MACROD2: variants seen among roughly 807,000 people sequenced by gnomAD.
MACROD2 encodes the protein mono-ADP ribosylhydrolase 2.
Under a neutral mutation model 70.4 loss-of-function variants are expected in MACROD2, and 36 were observed. That is an observed-to-expected ratio of 0.51 (90% CI 0.39 to 0.68). The LOEUF is 0.68. Among genes scored for constraint, MACROD2 ranks in the 30% least tolerant of loss-of-function variants. The pLI is 0.00. For missense variants in MACROD2, 496 were observed against 538.4 expected, an observed-to-expected ratio of 0.92 and a Z score of 0.78; for synonymous variants, 172 against 178.8, an observed-to-expected ratio of 0.96 and a Z score of 0.30.
rs116876981 is a variant in MACROD2, at chr20:15,795,514, C to T, written c.646-67231C>T. Reference sequence around the variant, plus strand: ...AAATAACAAGAATGCCACTGTTGCCCGCCATTGTCTGGAGTGAATGCCAGC... The same window carrying T: ...AAATAACAAGAATGCCACTGTTGCCTGCCATTGTCTGGAGTGAATGCCAGC... On this transcript the variant is annotated intron_variant, in intron 8 of 17. Transcript: ENST00000684519. 5.5e-3 allele frequency among the ~76,000 whole-genome samples: 832 copies of T among 152,086 alleles called. 6 individuals carry two copies. Among genetic ancestry groups the T allele is most frequent in the African/African-American group, 0.015 (638 of 41,476 alleles).
chr20:15,986,873 G>C (rs368424595), intron 14 of MACROD2, 72 bp downstream of exon 14: 2 of 1,183,056 alleles, frequency 1.7e-6, no homozygotes, highest in East Asian at 2.3e-5. Context: ...ATATATACCT[G>C]TGTGTGTGCG....
At chr20:14,838,789 T>G (rs2122263878) in intron 5 of MACROD2, among the ~76,000 whole-genome samples, 1 of 152,154 alleles carries the variant, frequency 6.6e-6, no homozygotes, top group South Asian at 2.1e-4. Context: ...AGGTTTCTAT[T>G]ACAAACTTAG....
chr20:15,150,563 G>GAT, intron 5 of MACROD2, among the ~76,000 whole-genome samples: 1 of 152,116 alleles, frequency 6.6e-6, no homozygotes, highest in South Asian at 2.1e-4. Flanking sequence ...CATGCTGTGG[G>GAT]ATGGGGTATT....
At chr20:15,275,556 A>G (rs1159301365) in intron 6 of MACROD2, among the ~76,000 whole-genome samples, 1 of 152,222 alleles carries the variant, frequency 6.6e-6, no homozygotes, top group Admixed American at 6.5e-5. Context: ...ACTCTAGATC[A>G]AAATGCAACT....
rs139372474 is a variant in MACROD2 at position 14,746,580 on chromosome 20, G to A, written c.418+61621G>A. Among the ~76,000 whole-genome samples the A allele has an allele frequency of 8.1e-4, 123 of 152,152 alleles. 2 individuals carry two copies. The highest frequency in any genetic ancestry group is 3.4e-3 in the Middle Eastern group (1 of 294). On this transcript the variant is annotated intron_variant, in intron 5 of 17. Transcript: ENST00000684519. ...ATATGATAGAAACTATATCACCCACGCATTTCATTCTATTGCCTTCATGCT... is the reference window on the plus strand; with the variant it reads ...ATATGATAGAAACTATATCACCCACACATTTCATTCTATTGCCTTCATGCT...
intron 8 of MACROD2, among the ~76,000 whole-genome samples, chr20:15,649,128 T>C (rs533657863): frequency 1.5e-4 from 17 of 112,140 alleles, no homozygotes; most frequent in Non-Finnish European, 2.3e-4. Flanking sequence ...CTCCCCTCCC[T>C]TCCCTTCCCT....
rs74446281 is a variant in MACROD2, at chr20:15,927,983, G to C, written c.776-5293G>C. On this transcript the variant is annotated intron_variant, in intron 10 of 17. Coordinates refer to ENST00000684519, the MANE Select transcript of MACROD2 (RefSeq NM_001351661.2). ...GTCCCAGACTACTGTGAACTAAAGA[G>C]ACACAACAACTGAATGCTGTATGAT... 6.3e-3 allele frequency among the ~76,000 whole-genome samples: 954 copies of C among 152,312 alleles called. 4 individuals are homozygous for C. The highest frequency in any genetic ancestry group is 0.021 in the South Asian group (103 of 4,828).
At chr20:14,969,958 C>T (rs1033244458) in intron 5 of MACROD2, among the ~76,000 whole-genome samples, 20 of 152,022 alleles carry the variant, frequency 1.3e-4, no homozygotes, top group Admixed American at 1.2e-3. Context: ...GACATATGAT[C>T]CTTGTCCTCT....
chr20:15,784,812 T>C (rs941070702), intron 8 of MACROD2, among the ~76,000 whole-genome samples: 1 of 152,066 alleles, frequency 6.6e-6, no homozygotes, highest in South Asian at 2.1e-4. Flanking sequence ...AAAATTTACA[T>C]AATAAAATGT....
intron 5 of MACROD2, among the ~76,000 whole-genome samples, chr20:14,990,252 A>G (rs2074889403): frequency 6.6e-6 from 1 of 152,088 alleles, no homozygotes. Flanking sequence ...GATACACAAT[A>G]GATAAAAAAT....
intron 4 of MACROD2, among the ~76,000 whole-genome samples, chr20:14,580,587 C>T (rs1980945124): frequency 6.6e-6 from 1 of 152,090 alleles, no homozygotes; most frequent in Non-Finnish European, 1.5e-5. Context: ...ACTGGCATGC[C>T]CAGGATTGTG....
chr20:15,949,940 T>C (rs1230476352), intron 12 of MACROD2, among the ~76,000 whole-genome samples: 5 of 152,160 alleles, frequency 3.3e-5, no homozygotes, highest in Non-Finnish European at 7.4e-5. Flanking sequence ...AAAATCATAA[T>C]ATCTCTGACT....
intron 3 of MACROD2, among the ~76,000 whole-genome samples, chr20:14,452,432 T>C (rs190847689): frequency 6.6e-6 from 1 of 152,246 alleles, no homozygotes; most frequent in Non-Finnish European, 1.5e-5. Flanking sequence ...CATCTTATAT[T>C]ATTCTTGTAG....
intron 7 of MACROD2, among the ~76,000 whole-genome samples, chr20:15,446,799 A>G (rs1025605168): frequency 6.6e-6 from 1 of 152,120 alleles, no homozygotes; most frequent in Non-Finnish European, 1.5e-5. Flanking sequence ...CAAATATTTT[A>G]TCTTCTCATC....
rs988185492 is a variant in MACROD2, at chr20:16,048,155, A to C, written c.1301-1675A>C. The stretch of plus-strand genomic sequence containing the variant: ...CTACCCCATGGAATTTCTGCAAAAG[A>C]AAAACAAATTCTGAAGTTGAATTCA... On this transcript the variant is annotated intron_variant, in intron 17 of 17. Transcript: ENST00000684519. Among the ~76,000 whole-genome samples, 4 of 152,208 alleles carry C rather than the reference A, an allele frequency of 2.6e-5. No homozygotes were observed. The East Asian group carries it at 7.7e-4, about 29-fold the overall frequency.
intron 3 of MACROD2, among the ~76,000 whole-genome samples, chr20:14,186,298 G>A (rs986566315): frequency 2.0e-5 from 3 of 151,978 alleles, no homozygotes; most frequent in South Asian, 2.1e-4. Flanking sequence ...GGTGGTTAAG[G>A]AATGTGGTAC....
At chr20:15,156,548 G>C (rs1353149223) in intron 5 of MACROD2, among the ~76,000 whole-genome samples, 1 of 152,012 alleles carries the variant, frequency 6.6e-6, no homozygotes, top group Non-Finnish European at 1.5e-5. Context: ...AACCTGTAGT[G>C]CTTTGCACCT....
Position 14,085,666 on chromosome 20 carries a change from A to C in MACROD2, c.209A>C (p.Glu70Ala). 1 of 1,582,002 alleles carries C rather than the reference A, an allele frequency of 6.3e-7. No homozygotes were observed. Among genetic ancestry groups the C allele is most frequent in the Non-Finnish European group, 8.6e-7 (1 of 1,163,558 alleles). Residue 70 changes from glutamate (E) to alanine (A), a missense_variant, in exon 3 of 18, where the codon GAA (glutamate) becomes GCA (alanine). Glu to Ala is a moderately radical substitution (Grantham distance 107). Coordinates refer to ENST00000684519, the MANE Select transcript of MACROD2 (RefSeq NM_001351661.2). ...ETSQVKKSLT[E>A]KVSLYRGDIT... ...TCCCAGGTGAAGAAAAGTTTGACTG[A>C]AAAAGTTTCTCTCTATAGAGGTGAC...
intron 8 of MACROD2, among the ~76,000 whole-genome samples, chr20:15,836,080 A>G (rs148006462): frequency 1.4e-4 from 13 of 91,490 alleles, no homozygotes; most frequent in East Asian, 9.2e-4. Flanking sequence ...AAATTGTGCA[A>G]TGAGGGTGAC....
Sources: gnomAD v4.1 joint callset for allele counts (sites outside exome capture counted in the v4.1 genomes callset) on GRCh38, gnomAD v4.1.1 for gene constraint, MANE v1.5 for transcripts, NCBI Gene and HGNC (gene_info 2026-07-23, HGNC 2026-07-21) for gene names.